The following TMC1 variants were observed in gnomAD, a reference collection of about 807,000 sequenced individuals.
The protein encoded by TMC1 is transmembrane channel-like protein 1.
A neutral mutation model predicts 105.8 loss-of-function variants in TMC1; 84 were observed. The observed-to-expected ratio is 0.79, with a 90% CI of 0.67 to 0.95. The LOEUF is 0.95. Ranked by LOEUF, TMC1 falls within the 40% of genes least tolerant of loss-of-function variation. The pLI, the probability that TMC1 is intolerant of heterozygous loss-of-function variation, is 0.00. For missense variants in TMC1, 817 were observed against 914.1 expected (o/e 0.89, Z 1.37); for synonymous variants, 315 against 311.5 (o/e 1.01, Z -0.12).
At chr9:72,693,196 G>C (rs1826496226) in intron 6 of TMC1, among the ~76,000 whole-genome samples, 1 of 151,112 alleles carries the variant, frequency 6.6e-6, no homozygotes, top group Non-Finnish European at 1.5e-5. Flanking sequence ...GTAATATTTA[G>C]ATCTTATACC....
chr9:72,704,145 T>A (rs1826693069), intron 8 of TMC1, among the ~76,000 whole-genome samples: 1 of 152,120 alleles, frequency 6.6e-6, no homozygotes, highest in South Asian at 2.1e-4. Flanking sequence ...CATCTAACTT[T>A]GAGAGCGTGT....
At chr9:72,657,429 G>T (rs1241626610) in intron 5 of TMC1, among the ~76,000 whole-genome samples, 2 of 152,142 alleles carry the variant, frequency 1.3e-5, no homozygotes, top group African/African-American at 2.4e-5. Flanking sequence ...CTGCATTGTG[G>T]CTGGGAGCAG....
chr9:72,679,450 C>G (rs1403382755), intron 5 of TMC1, among the ~76,000 whole-genome samples: 2 of 152,050 alleles, frequency 1.3e-5, no homozygotes, highest in African/African-American at 4.8e-5. Context: ...GTTATTTGTA[C>G]AGAGTGCAAC....
chr9:72,814,010 T>C (rs1198179318), intron 18 of TMC1, among the ~76,000 whole-genome samples: 1 of 152,182 alleles, frequency 6.6e-6, no homozygotes, highest in Admixed American at 6.5e-5. Flanking sequence ...CCTTTATGCT[T>C]TTCTAGTCAA....
intron 17 of TMC1, among the ~76,000 whole-genome samples, chr9:72,800,931 T>A (rs1274003798): frequency 6.6e-6 from 1 of 152,194 alleles, no homozygotes; most frequent in Non-Finnish European, 1.5e-5. Context: ...TCTGTATCCA[T>A]GCATCTAAAA....
At chr9:72,811,490 C>G (rs1337832938) in intron 18 of TMC1, among the ~76,000 whole-genome samples, 2 of 152,120 alleles carry the variant, frequency 1.3e-5, no homozygotes, top group Non-Finnish European at 2.9e-5. Context: ...ACAAAGTGTG[C>G]CCTCTTGTAA....
intron 1 of TMC1, among the ~76,000 whole-genome samples, chr9:72,564,102 C>T (rs548301621): frequency 1.2e-3 from 177 of 152,132 alleles, no homozygotes; most frequent in African/African-American, 4.2e-3. Context: ...AAGAGTTTTA[C>T]ACACCAATCC....
intron 1 of TMC1, among the ~76,000 whole-genome samples, chr9:72,575,542 T>C (rs1398664052): frequency 2.0e-5 from 3 of 152,060 alleles, no homozygotes. Flanking sequence ...AATAGGAAAA[T>C]CAGGAACAAT....
At chr9:72,638,812 C>T (rs150568027) in intron 4 of TMC1, among the ~76,000 whole-genome samples, 2 of 152,248 alleles carry the variant, frequency 1.3e-5, no homozygotes, top group Non-Finnish European at 2.9e-5. Flanking sequence ...TTTCTGAGAA[C>T]GGTCAAGAGT....
intron 5 of TMC1, among the ~76,000 whole-genome samples, chr9:72,654,615 C>G (rs1825858120): frequency 6.6e-6 from 1 of 152,072 alleles, no homozygotes. Context: ...GTAAAAATAT[C>G]AGTTCCCCAT....
Position 72,694,523 on chromosome 9 carries a change from G to T in TMC1, c.65-20G>T. The T allele has an allele frequency of 6.2e-7, 1 of 1,609,292 alleles. No individual in the cohort carries two copies. Among genetic ancestry groups the T allele is most frequent in the Middle Eastern group, 1.7e-4 (1 of 6,038 alleles). On this transcript the variant is annotated intron_variant, in intron 6 of 23. Coordinates refer to ENST00000297784, the MANE Select transcript of TMC1 (RefSeq NM_138691.3). ...GAAGCACTTTCTGACATTACTCATTGAATCAAGTGCTATGTTTAGGTGAAG... is the reference window on the plus strand; with the variant it reads ...GAAGCACTTTCTGACATTACTCATTTAATCAAGTGCTATGTTTAGGTGAAG...
At chr9:72,641,066 C>T (rs903265515) in intron 4 of TMC1, among the ~76,000 whole-genome samples, 44 of 152,154 alleles carry the variant, frequency 2.9e-4, no homozygotes, top group African/African-American at 9.2e-4. Context: ...ATAGCCTAAA[C>T]CAATGACACT....
intron 13 of TMC1, among the ~76,000 whole-genome samples, chr9:72,779,409 C>T (rs568833638): frequency 1.1e-4 from 16 of 152,332 alleles, no homozygotes; most frequent in African/African-American, 3.8e-4. Flanking sequence ...GGTTCTTAAT[C>T]AGACTGAGAT....
intron 5 of TMC1, among the ~76,000 whole-genome samples, chr9:72,652,336 G>A (rs1825826637): frequency 6.6e-6 from 1 of 152,170 alleles, no homozygotes; most frequent in South Asian, 2.1e-4. Context: ...TACTGATTTT[G>A]TCATTATCTG....
At chr9:72,646,132 ATTG>A (rs752014044) in intron 4 of TMC1, among the ~76,000 whole-genome samples, 1 of 152,174 alleles carries the variant, frequency 6.6e-6, no homozygotes, top group Non-Finnish European at 1.5e-5. Flanking sequence ...TATGATTTAT[ATTG>A]TTGTGACTAT....
chr9:72,672,928 G>C (rs1826147033), intron 5 of TMC1, among the ~76,000 whole-genome samples: 3 of 151,426 alleles, frequency 2.0e-5, no homozygotes, highest in African/African-American at 7.3e-5. Flanking sequence ...TTCTTCAAGA[G>C]AACACAGAAT....
chr9:72,734,304 C>T (rs1827262418), intron 8 of TMC1, among the ~76,000 whole-genome samples: 1 of 152,170 alleles, frequency 6.6e-6, no homozygotes, highest in African/African-American at 2.4e-5. Context: ...ACTGCTCTTG[C>T]TATTTGCCAT....
At chr9:72,669,040 C>A (rs1826087396) in intron 5 of TMC1, among the ~76,000 whole-genome samples, 1 of 152,300 alleles carries the variant, frequency 6.6e-6, no homozygotes, top group South Asian at 2.1e-4. Flanking sequence ...TGCAGTGGCT[C>A]ACGCTTGTAA....
At chr9:72,808,096 A>G (rs1828634660) in intron 18 of TMC1, among the ~76,000 whole-genome samples, 1 of 152,204 alleles carries the variant, frequency 6.6e-6, no homozygotes, top group African/African-American at 2.4e-5. Context: ...AAAATCTTCC[A>G]GTGGCTTCTC....
Sources: gnomAD v4.1 joint callset for allele counts (sites outside exome capture counted in the v4.1 genomes callset) on GRCh38, gnomAD v4.1.1 for gene constraint, MANE v1.5 for transcripts, NCBI Gene and HGNC (gene_info 2026-07-23, HGNC 2026-07-21) for gene names.